Variants in ZMAT4 observed in about 807,000 individuals in gnomAD.
The protein encoded by ZMAT4 is zinc finger matrin-type protein 4.
ZMAT4 carries 17 observed loss-of-function variants against 28.7 expected under a neutral mutation model. That is an observed-to-expected ratio of 0.59 (90% confidence interval 0.41 to 0.89). The LOEUF (loss-of-function observed/expected upper bound fraction) is 0.89, where lower values mean the gene tolerates loss of function less well. ZMAT4 is among the 40% of genes least tolerant of loss of function. The probability of loss-of-function intolerance (pLI) is 0.00; values close to 1 mark genes in which losing one functional copy is unlikely to be tolerated. For synonymous variants in ZMAT4, 117 were observed against 109.2 expected (o/e 1.07, Z -0.44); for missense variants, 240 against 283.8 (o/e 0.85, Z 1.11).
intron 2 of ZMAT4, among the ~76,000 whole-genome samples, chr8:40,781,534 G>A (rs541874021): frequency 2.0e-5 from 3 of 151,738 alleles, no homozygotes; most frequent in South Asian, 2.1e-4. Context: ...AGGCCGAGGC[G>A]GGCGGATCAC....
At chr8:40,812,898 ACTCC>A (rs1356298014) in intron 2 of ZMAT4, among the ~76,000 whole-genome samples, 1 of 151,892 alleles carries the variant, frequency 6.6e-6, no homozygotes, top group Non-Finnish European at 1.5e-5. Flanking sequence ...GTGCCACTGC[ACTCC>A]AGCCTGGGCG....
At chr8:40,863,840 C>G (rs1346627901) in intron 1 of ZMAT4, among the ~76,000 whole-genome samples, 3 of 152,196 alleles carry the variant, frequency 2.0e-5, no homozygotes, top group Non-Finnish European at 4.4e-5. Flanking sequence ...CATCTATCAC[C>G]ACTACTCATG....
intron 5 of ZMAT4, among the ~76,000 whole-genome samples, chr8:40,673,604 T>C (rs1273372941): frequency 6.6e-6 from 1 of 152,150 alleles, no homozygotes; most frequent in African/African-American, 2.4e-5. Context: ...CTGAGAAAAA[T>C]GCATTTTCTC....
At chr8:40,772,236 G>C (rs571457964) in intron 2 of ZMAT4, among the ~76,000 whole-genome samples, 1 of 152,214 alleles carries the variant, frequency 6.6e-6, no homozygotes, top group Non-Finnish European at 1.5e-5. Flanking sequence ...CTTTACCCCC[G>C]ATCCTAGGCA....
At chr8:40,656,810 A>T (rs1370604419) in intron 5 of ZMAT4, among the ~76,000 whole-genome samples, 1 of 152,170 alleles carries the variant, frequency 6.6e-6, no homozygotes, top group South Asian at 2.1e-4. Context: ...TTACATTTAC[A>T]TTTATATAAA....
chr8:40,774,608 A>T (rs1023065264), intron 2 of ZMAT4, among the ~76,000 whole-genome samples: 4 of 151,904 alleles, frequency 2.6e-5, no homozygotes, highest in African/African-American at 7.2e-5. Context: ...AAGAGGGATA[A>T]ATATTGTAAT....
intron 3 of ZMAT4, among the ~76,000 whole-genome samples, chr8:40,707,472 G>T (rs1810411126): frequency 6.6e-6 from 1 of 152,078 alleles, no homozygotes; most frequent in South Asian, 2.1e-4. Context: ...TCTGTCACAT[G>T]GGGAGTAAAA....
chr8:40,874,535 G>A (rs1018320788), intron 1 of ZMAT4, among the ~76,000 whole-genome samples: 14 of 152,232 alleles, frequency 9.2e-5, no homozygotes, highest in African/African-American at 2.9e-4. Flanking sequence ...CACACCCAGA[G>A]AAGAGCAGTC....
chr8:40,758,180 TTA>T (rs943842600), intron 3 of ZMAT4, among the ~76,000 whole-genome samples: 12 of 152,184 alleles, frequency 7.9e-5, no homozygotes, highest in African/African-American at 2.9e-4. Context: ...AAGCTCCTGT[TTA>T]TATATACATC....
intron 5 of ZMAT4, among the ~76,000 whole-genome samples, chr8:40,608,607 C>G (rs1194713120): frequency 1.3e-5 from 2 of 152,150 alleles, no homozygotes; most frequent in South Asian, 4.1e-4. Flanking sequence ...CAGGAAACTT[C>G]GTGTTCAGTC....
At chr8:40,775,377 C>A (rs1043403639) in intron 2 of ZMAT4, among the ~76,000 whole-genome samples, 1 of 152,196 alleles carries the variant, frequency 6.6e-6, no homozygotes, top group African/African-American at 2.4e-5. Context: ...CAGAGATAGT[C>A]CTAAGCGGCA....
At chr8:40,805,177 C>G (rs1279932136) in intron 2 of ZMAT4, among the ~76,000 whole-genome samples, 1 of 152,008 alleles carries the variant, frequency 6.6e-6, no homozygotes, top group East Asian at 1.9e-4. Flanking sequence ...AGCCAAAAAA[C>G]ACATGAAAAA....
chr8:40,597,501 C>T (rs983734518), intron 5 of ZMAT4, among the ~76,000 whole-genome samples: 8 of 152,182 alleles, frequency 5.3e-5, no homozygotes, highest in African/African-American at 7.2e-5. Flanking sequence ...TGAATGTCAC[C>T]TTTGTGAAGC....
At chr8:40,802,663 A>T (rs796465851) in intron 2 of ZMAT4, among the ~76,000 whole-genome samples, 1 of 152,196 alleles carries the variant, frequency 6.6e-6, no homozygotes, top group African/African-American at 2.4e-5. Context: ...ATTCAATTCA[A>T]TCCCAATCAA....
chr8:40,833,799 G>T (rs1563515548), intron 1 of ZMAT4, among the ~76,000 whole-genome samples: 1 of 152,144 alleles, frequency 6.6e-6, no homozygotes, highest in Admixed American at 6.5e-5. Context: ...TCAATTCCCT[G>T]TTCCTCAGGA....
chr8:40,783,839 T>G (rs1280139826), intron 2 of ZMAT4, among the ~76,000 whole-genome samples: 2 of 151,972 alleles, frequency 1.3e-5, no homozygotes, highest in African/African-American at 4.8e-5. Context: ...GGTGAAACCC[T>G]GTCTCTACTA....
At chr8:40,623,063 C>T (rs188728168) in intron 5 of ZMAT4, among the ~76,000 whole-genome samples, 6 of 152,234 alleles carry the variant, frequency 3.9e-5, no homozygotes, top group Admixed American at 2.6e-4. Flanking sequence ...ACTGGGGACA[C>T]CAAGACAAGA....
At chr8:40,867,584 C>T (rs1435935665) in intron 1 of ZMAT4, among the ~76,000 whole-genome samples, 4 of 152,222 alleles carry the variant, frequency 2.6e-5, no homozygotes, top group African/African-American at 9.6e-5. Context: ...CCATACCAGC[C>T]TCCTTGCTGC....
intron 3 of ZMAT4, among the ~76,000 whole-genome samples, chr8:40,725,966 C>T (rs570491059): frequency 6.6e-6 from 1 of 152,332 alleles, no homozygotes; most frequent in South Asian, 2.1e-4. Flanking sequence ...GCTCCAATTT[C>T]CATTCTGCTT....
Sources: gnomAD v4.1 joint callset for allele counts (sites outside exome capture counted in the v4.1 genomes callset) on GRCh38, gnomAD v4.1.1 for gene constraint, MANE v1.5 for transcripts, NCBI Gene and HGNC (gene_info 2026-07-23, HGNC 2026-07-21) for gene names.